Variants in UPRT observed in about 807,000 individuals in gnomAD.
The protein encoded by UPRT is RP11-311P8.3.
A neutral mutation model predicts 22.6 loss-of-function variants in UPRT; 5 were observed. The ratio of observed to expected loss-of-function variants is 0.22; its 90% CI spans 0.12 to 0.47. UPRT has a LOEUF of 0.47. Ranked by LOEUF, UPRT falls within the 20% of genes least tolerant of loss-of-function variation. The pLI is 0.99. For synonymous variants in UPRT, 77 were observed against 87.7 expected (o/e 0.88, Z 0.68); for missense variants, 181 against 239.9 (o/e 0.75, Z 1.62).
chrX:75,298,344 G>T (rs1451595816), intron 4 of UPRT, among the ~76,000 whole-genome samples: 1 of 110,240 alleles, frequency 9.1e-6, no homozygotes, highest in Non-Finnish European at 1.9e-5. Flanking sequence ...AGGCAAAAGT[G>T]CTTGACTGTC....
At chrX:75,186,355 C>G (rs201394458) in intron 4 of UPRT, among the ~76,000 whole-genome samples, 5 of 111,653 alleles carry the variant, frequency 4.5e-5, no homozygotes, top group East Asian at 2.8e-4. Context: ...TTAATCCTGA[C>G]TTCTAGTTTG....
chrX:75,184,761 C>T (rs1336691518), intron 4 of UPRT, among the ~76,000 whole-genome samples: 1 of 110,190 alleles, frequency 9.1e-6, no homozygotes, highest in African/African-American at 3.3e-5. Context: ...AGTTGGATTC[C>T]TAGGTATTTT....
rs764107945 is a variant in UPRT at position 75,175,987 on chromosome X, G to A, written c.-447+8108G>A. On this transcript the variant is annotated intron_variant, in intron 4 of 13. Transcript: ENST00000652605. Reference sequence around the variant, plus strand: ...TTTGGAGCTTTCTCCTGATATCTGCGGCTGATTGGGTGATAAACTTATCTT... The same window carrying A: ...TTTGGAGCTTTCTCCTGATATCTGCAGCTGATTGGGTGATAAACTTATCTT... Among the ~76,000 whole-genome samples, 9 of 111,230 alleles carry A rather than the reference G, an allele frequency of 8.1e-5. No homozygotes were observed. The East Asian group carries it at 1.1e-3, about 14-fold the overall frequency.
At chrX:75,287,874 A>G (rs1358006200) in intron 1 of UPRT, among the ~76,000 whole-genome samples, 2 of 111,786 alleles carry the variant, frequency 1.8e-5, no homozygotes, top group East Asian at 5.6e-4. Context: ...CAGAGGATCA[A>G]CAAAGTCAAA....
intron 4 of UPRT, among the ~76,000 whole-genome samples, chrX:75,185,359 C>G (rs2082286266): frequency 1.8e-5 from 2 of 111,844 alleles, no homozygotes; most frequent in Admixed American, 1.9e-4. Context: ...CCTTGCATCC[C>G]AGGGATGAAG....
intron 4 of UPRT, among the ~76,000 whole-genome samples, chrX:75,251,959 G>C (rs2082531889): frequency 9.0e-6 from 1 of 111,462 alleles, no homozygotes; most frequent in African/African-American, 3.3e-5. Flanking sequence ...CAAGCAATGG[G>C]GAAAGGATTC....
intron 4 of UPRT, among the ~76,000 whole-genome samples, chrX:75,179,886 C>T (rs996784415): frequency 8.4e-4 from 95 of 112,778 alleles, no homozygotes; most frequent in Non-Finnish European, 1.3e-3. Flanking sequence ...CCCCGGTTCC[C>T]GCTCCCGCCT....
At chrX:75,187,908 C>G (rs1247835689) in intron 4 of UPRT, among the ~76,000 whole-genome samples, 1 of 111,830 alleles carries the variant, frequency 8.9e-6, no homozygotes, top group East Asian at 2.8e-4. Flanking sequence ...ATTGGTTATT[C>G]TAGTTATACA....
intron 4 of UPRT, among the ~76,000 whole-genome samples, chrX:75,177,914 C>A (rs1390049078): frequency 3.6e-5 from 4 of 112,251 alleles, no homozygotes; most frequent in African/African-American, 1.3e-4. Context: ...GTGGGTCTAA[C>A]CTCAGAGAAG....
intron 4 of UPRT, among the ~76,000 whole-genome samples, chrX:75,212,130 A>C (rs1185528642): frequency 8.9e-6 from 1 of 112,317 alleles, no homozygotes; most frequent in African/African-American, 3.2e-5. Context: ...ACTTTGATCA[A>C]GATCTGCAAA....
At chrX:75,236,691 A>T (rs28827553) in intron 4 of UPRT, among the ~76,000 whole-genome samples, 1 of 112,398 alleles carries the variant, frequency 8.9e-6, no homozygotes, top group African/African-American at 3.2e-5. Context: ...AAAAACAAGC[A>T]ATGGGGTAAG....
At chrX:75,215,420 G>A (rs1430828953) in intron 4 of UPRT, among the ~76,000 whole-genome samples, 2 of 111,494 alleles carry the variant, frequency 1.8e-5, no homozygotes, top group East Asian at 5.6e-4. Flanking sequence ...AAGAGAATCA[G>A]CAAAACGAAA....
chrX:75,217,152 T>C (rs1366184122), intron 4 of UPRT, among the ~76,000 whole-genome samples: 1 of 111,788 alleles, frequency 8.9e-6, no homozygotes, highest in African/African-American at 3.3e-5. Flanking sequence ...GACATTGTTG[T>C]AGTCATGAGT....
chrX:75,265,281 A>C (rs1476155975), intron 4 of UPRT, among the ~76,000 whole-genome samples: 1 of 111,656 alleles, frequency 9.0e-6, no homozygotes, highest in African/African-American at 3.2e-5. Flanking sequence ...GTGTTTTCCA[A>C]CTTGGTTCCA....
upstream of UPRT, among the ~76,000 whole-genome samples, chrX:75,272,372 A>ATG (rs1237781880): frequency 5.5e-4 from 49 of 89,778 alleles, no homozygotes; most frequent in African/African-American, 1.5e-3. Flanking sequence ...ATATATATAT[A>ATG]TGTATATATA....
At chrX:75,179,587 G>T (rs1470504951) in intron 4 of UPRT, among the ~76,000 whole-genome samples, 1 of 113,143 alleles carries the variant, frequency 8.8e-6, no homozygotes, top group Non-Finnish European at 1.9e-5. Flanking sequence ...CGTCGGGGAG[G>T]CTCGGGCCGC....
chrX:75,279,506 C>T (rs905909713), intron 1 of UPRT, among the ~76,000 whole-genome samples: 25 of 111,550 alleles, frequency 2.2e-4, no homozygotes, highest in Admixed American at 2.1e-3. Flanking sequence ...GGGGTCTGAC[C>T]TGGCACAGTC....
intron 4 of UPRT, among the ~76,000 whole-genome samples, chrX:75,249,095 C>T (rs2082518245): frequency 9.0e-6 from 1 of 111,604 alleles, no homozygotes; most frequent in African/African-American, 3.3e-5. Context: ...GTACCAGCCA[C>T]TGCAAAAACA....
intron 4 of UPRT, among the ~76,000 whole-genome samples, chrX:75,264,831 T>C (rs975717212): frequency 8.9e-6 from 1 of 112,142 alleles, no homozygotes; most frequent in African/African-American, 3.2e-5. Flanking sequence ...CTAGTACCTT[T>C]CCATGTTGAG....
Sources: allele counts gnomAD v4.1 joint callset (sites outside exome capture counted in the v4.1 genomes callset), GRCh38; gene constraint gnomAD v4.1.1; transcripts MANE v1.5; gene names NCBI Gene and HGNC (gene_info 2026-07-23, HGNC 2026-07-21).